EDIL3: variants seen among roughly 807,000 people sequenced by gnomAD.
EDIL3 encodes the protein EGF-like repeat and discoidin I-like domain-containing protein 3.
A neutral mutation model predicts 67.4 loss-of-function variants in EDIL3; 37 were observed. The ratio of observed to expected loss-of-function variants is 0.55; its 90% CI spans 0.42 to 0.72. The LOEUF is 0.72. Among genes scored for constraint, EDIL3 ranks in the 30% least tolerant of loss-of-function variants. EDIL3 has a pLI of 0.00. For synonymous variants in EDIL3, 195 were observed against 196.3 expected (o/e 0.99, Z 0.05); for missense variants, 527 against 586.3 (o/e 0.90, Z 1.04).
chr5:84,384,194 C>T (rs1311326742), intron 1 of EDIL3, 114 bp downstream of exon 1: 24 of 1,335,066 alleles, frequency 1.8e-5, no homozygotes, highest in Non-Finnish European at 2.5e-5. Context: ...GCGCCGCCAG[C>T]GGCGCTCGCC....
rs150735606 is a variant in EDIL3 at position 84,121,747 on chromosome 5, G to C, written c.470-14917C>G. ...AGCTCATGCCTCTGTCCTTTTCTTCGCTGTCCCAGCGTTCCCCCAAACAGA... is the reference window on the plus strand; with the variant it reads ...AGCTCATGCCTCTGTCCTTTTCTTCCCTGTCCCAGCGTTCCCCCAAACAGA... On this transcript the variant is annotated intron_variant, in intron 5 of 10. Coordinates refer to ENST00000296591, the MANE Select transcript of EDIL3 (RefSeq NM_005711.5). Among the ~76,000 whole-genome samples, 210 of 151,970 alleles carry C rather than the reference G, an allele frequency of 1.4e-3. 1 individual carries two copies. Among genetic ancestry groups the C allele is most frequent in the African/African-American group, 4.7e-3 (194 of 41,472 alleles).
In EDIL3 at chr5:84,343,518, A is replaced by T. The variant is rs575032157; in HGVS notation, c.67+40790T>A. On this transcript the variant is annotated intron_variant, in intron 1 of 10. Coordinates refer to ENST00000296591, the MANE Select transcript of EDIL3 (RefSeq NM_005711.5). ...TATTGTAAGACAGGCCAGCTCATCC[A>T]TATTTGGGCAGGAAATATACTTGAA... is the stretch of plus-strand genomic sequence containing the variant. Among the ~76,000 whole-genome samples the T allele has an allele frequency of 3.3e-5, 5 of 152,210 alleles. No homozygotes were observed. In the South Asian group the frequency reaches 8.3e-4, roughly 25 times the overall value.
chr5:84,198,535 G>A lies in EDIL3; in HGVS notation c.227-18014C>T, dbSNP rs575813645. ...AACATACTCAGCTATTGTTCTTGAC[G>A]TGATCAGAATGAGTAAAGAAGAATT... is the stretch of plus-strand genomic sequence containing the variant. On this transcript the variant is annotated intron_variant, in intron 3 of 10. Coordinates refer to ENST00000296591, the MANE Select transcript of EDIL3 (RefSeq NM_005711.5). 1.4e-4 allele frequency among the ~76,000 whole-genome samples: 21 copies of A among 152,128 alleles called. No individual in the cohort carries two copies. In the South Asian group the frequency reaches 3.5e-3, roughly 26 times the overall value.
At chr5:84,384,141 T>C (rs1255598630) in intron 1 of EDIL3, among the ~76,000 whole-genome samples, 167 bp downstream of exon 1, 2 of 152,084 alleles carry the variant, frequency 1.3e-5, no homozygotes, top group East Asian at 1.9e-4. Flanking sequence ...GCTCAGACTT[T>C]ACAAGCACTT....
intron 5 of EDIL3, among the ~76,000 whole-genome samples, chr5:84,115,847 A>C (rs1304316784): frequency 6.6e-6 from 1 of 152,232 alleles, no homozygotes. Flanking sequence ...ATGCTAAAAG[A>C]GGGACTGAGT....
At chr5:84,060,047 A>T (rs558548692) in intron 9 of EDIL3, among the ~76,000 whole-genome samples, 1 of 152,328 alleles carries the variant, frequency 6.6e-6, no homozygotes, top group South Asian at 2.1e-4. Flanking sequence ...CAATCAATTG[A>T]CATACACATA....
chr5:84,239,824 A>G (rs909930877), intron 2 of EDIL3, among the ~76,000 whole-genome samples: 60 of 152,354 alleles, frequency 3.9e-4, no homozygotes, highest in African/African-American at 1.3e-3. Flanking sequence ...TAGTTTGCAT[A>G]TATTTCACAT....
intron 9 of EDIL3, among the ~76,000 whole-genome samples, chr5:83,989,814 A>G (rs1213672416): frequency 6.6e-6 from 1 of 152,140 alleles, no homozygotes; most frequent in East Asian, 1.9e-4. Flanking sequence ...TTAAGCCTCC[A>G]TCTGAGCAGA....
intron 3 of EDIL3, among the ~76,000 whole-genome samples, chr5:84,184,098 C>G (rs898344714): frequency 6.6e-6 from 1 of 152,138 alleles, no homozygotes; most frequent in Non-Finnish European, 1.5e-5. Flanking sequence ...AAGAGCAAAA[C>G]TCCATCTCAG....
At chr5:84,340,534 C>CTCTCTCTCTA (rs1432966515) in intron 1 of EDIL3, among the ~76,000 whole-genome samples, 98 of 54,196 alleles carry the variant, frequency 1.8e-3, no homozygotes, top group Non-Finnish European at 2.4e-3. Flanking sequence ...CTCTCTCTCT[C>CTCTCTCTCTA]TATATATATA....
intron 1 of EDIL3, among the ~76,000 whole-genome samples, chr5:84,270,685 C>T (rs1029237353): frequency 6.6e-6 from 1 of 152,154 alleles, no homozygotes; most frequent in Admixed American, 6.5e-5. Flanking sequence ...AAGATATTAT[C>T]TCTCATGAAC....
intron 5 of EDIL3, among the ~76,000 whole-genome samples, chr5:84,132,671 A>T (rs1561440959): frequency 7.0e-6 from 1 of 142,696 alleles, no homozygotes; most frequent in East Asian, 2.0e-4. Flanking sequence ...CTAATTTATA[A>T]TTATGGCTAA....
chr5:84,176,251 GTA>G (rs1337943363), intron 4 of EDIL3, among the ~76,000 whole-genome samples: 8 of 123,074 alleles, frequency 6.5e-5, no homozygotes, highest in Non-Finnish European at 1.4e-4. Context: ...ATAATATATT[GTA>G]TATATATTAT....
chr5:83,944,072 T>A (rs1018828670), intron 10 of EDIL3, among the ~76,000 whole-genome samples: 1 of 151,992 alleles, frequency 6.6e-6, no homozygotes, highest in African/African-American at 2.4e-5. Flanking sequence ...TCTGTATATA[T>A]CTGTTTCACC....
intron 1 of EDIL3, among the ~76,000 whole-genome samples, chr5:84,271,594 T>C (rs1352501865): frequency 6.6e-6 from 1 of 152,122 alleles, no homozygotes; most frequent in African/African-American, 2.4e-5. Context: ...TGTAAGCTTG[T>C]AAGCTACTGA....
At chr5:84,354,883 T>A (rs540526922) in intron 1 of EDIL3, among the ~76,000 whole-genome samples, 10 of 152,276 alleles carry the variant, frequency 6.6e-5, no homozygotes, top group East Asian at 5.8e-4. Context: ...TTGCTTCATA[T>A]TTTTTAAGCA....
chr5:84,371,754 G>A (rs1363967269), intron 1 of EDIL3, among the ~76,000 whole-genome samples: 1 of 151,866 alleles, frequency 6.6e-6, no homozygotes, highest in African/African-American at 2.4e-5. Flanking sequence ...AAATTCCAGT[G>A]AAGGCAAATG....
In EDIL3 at chr5:84,002,804, C is replaced by CCCT. The variant is rs377728608; in HGVS notation, c.1138-39447_1138-39445dup. Among the ~76,000 whole-genome samples, 317 of 152,282 alleles carry CCCT rather than the reference C, an allele frequency of 2.1e-3. 3 individuals carry two copies. Among genetic ancestry groups the CCCT allele is most frequent in the African/African-American group, 7.4e-3 (309 of 41,554 alleles). On this transcript the variant is annotated intron_variant, in intron 9 of 10. Transcript: ENST00000296591. ...CTTTGGTCAGTGAACCAGAGAAAGA[C>CCCT]CCTGATTGGTTATTTGCACCTCTAG...
chr5:84,063,980 G>C (rs1198674755), intron 8 of EDIL3, among the ~76,000 whole-genome samples: 1 of 152,076 alleles, frequency 6.6e-6, no homozygotes, highest in African/African-American at 2.4e-5. Context: ...TCAGAATCTA[G>C]CTATATTGAA....
Sources: allele counts gnomAD v4.1 joint callset (sites outside exome capture counted in the v4.1 genomes callset), GRCh38; gene constraint gnomAD v4.1.1; transcripts MANE v1.5; gene names NCBI Gene and HGNC (gene_info 2026-07-23, HGNC 2026-07-21).